The following ADGRV1 variants were observed in gnomAD, a reference collection of about 807,000 sequenced individuals.
The protein encoded by ADGRV1 is adhesion G protein-coupled receptor V1, also known as G-protein coupled receptor 98.
A neutral mutation model predicts 596.2 loss-of-function variants in ADGRV1; 359 were observed. The observed-to-expected ratio is 0.60, with a 90% CI of 0.55 to 0.66. The LOEUF (loss-of-function observed/expected upper bound fraction) is 0.66, where lower values mean the gene tolerates loss of function less well. Among genes scored for constraint, ADGRV1 ranks in the 30% least tolerant of loss-of-function variants. The probability of loss-of-function intolerance (pLI) is 0.00; values close to 1 mark genes in which losing one functional copy is unlikely to be tolerated. For synonymous variants in ADGRV1, 2,681 were observed against 2,679.2 expected, an observed-to-expected ratio of 1.00 and a Z score of -0.02; for missense variants, 7,274 against 7,575.6, an observed-to-expected ratio of 0.96 and a Z score of 1.48.
chr5:90,698,417 C>T (rs1047007122), intron 34 of ADGRV1, among the ~76,000 whole-genome samples: 3 of 152,110 alleles, frequency 2.0e-5, no homozygotes, highest in Non-Finnish European at 4.4e-5. Context: ...AACAATTATT[C>T]AGTGGTAGTG....
At chr5:90,855,609 C>A in intron 81 of ADGRV1, 132 bp from the exon 82 acceptor site, 1 of 611,084 alleles carries the variant, frequency 1.6e-6, no homozygotes, top group Non-Finnish European at 2.9e-6. Flanking sequence ...ACTGTTTCTT[C>A]TTGAAAATGT....
intron 50 of ADGRV1, among the ~76,000 whole-genome samples, chr5:90,733,853 C>T (rs927760839): frequency 2.0e-5 from 3 of 151,902 alleles, no homozygotes; most frequent in Admixed American, 6.6e-5. Flanking sequence ...TTATAGTCAC[C>T]CTGGTGTGCA....
intron 59 of ADGRV1, 130 bp from the exon 60 acceptor site, chr5:90,774,056 C>T (rs1293787319): frequency 9.6e-6 from 4 of 418,642 alleles, no homozygotes; most frequent in African/African-American, 4.1e-5. Context: ...AGCTGCAACT[C>T]GTAATTCTAG....
chr5:90,780,476 G>A (rs1477702494), intron 64 of ADGRV1, among the ~76,000 whole-genome samples: 2 of 152,000 alleles, frequency 1.3e-5, no homozygotes, highest in African/African-American at 2.4e-5. Flanking sequence ...ATGGTTTATC[G>A]GCATTTTTTA....
At chr5:90,672,820 G>T (rs186834527) in intron 22 of ADGRV1, 98 bp downstream of exon 22, 85 of 855,224 alleles carry the variant, frequency 9.9e-5, no homozygotes, top group Admixed American at 4.9e-4. Flanking sequence ...TTGAAGTGTC[G>T]CTTCCCATTA....
chr5:91,101,450 T>C (rs537384563), intron 86 of ADGRV1, among the ~76,000 whole-genome samples: 2 of 152,318 alleles, frequency 1.3e-5, no homozygotes, highest in Admixed American at 1.3e-4. Context: ...ATGTGTTTAT[T>C]TGTGGCTGCA....
At chr5:90,763,245 GT>G in intron 58 of ADGRV1, 59 bp from the exon 59 acceptor site, 3 of 1,245,732 alleles carry the variant, frequency 2.4e-6, no homozygotes, top group Non-Finnish European at 3.2e-6. Flanking sequence ...GATTCTACTT[GT>G]TTATCCTGCT....
At chr5:90,724,523 C>T (rs545596180) in intron 45 of ADGRV1, among the ~76,000 whole-genome samples, 1 of 152,262 alleles carries the variant, frequency 6.6e-6, no homozygotes, top group East Asian at 1.9e-4. Context: ...GCCACCATGC[C>T]CAGCCACATT....
chr5:90,595,616 A>C (rs1580387019), intron 1 of ADGRV1, among the ~76,000 whole-genome samples: 2 of 97,096 alleles, frequency 2.1e-5, no homozygotes, highest in Non-Finnish European at 4.0e-5. Context: ...CGGGGGGCTG[A>C]CCCCCCCACC....
At chr5:90,798,000 A>G (rs1465694699) in intron 70 of ADGRV1, among the ~76,000 whole-genome samples, 6 of 152,208 alleles carry the variant, frequency 3.9e-5, no homozygotes, top group Admixed American at 3.9e-4. Context: ...TCGACACCCT[A>G]ACATCAAAAT....
At chr5:90,651,968 A>G (rs996936572) in intron 18 of ADGRV1, among the ~76,000 whole-genome samples, 8 of 150,456 alleles carry the variant, frequency 5.3e-5, no homozygotes, top group African/African-American at 1.5e-4. Context: ...TCAAACTTCA[A>G]TCCTTTGTGA....
intron 84 of ADGRV1, among the ~76,000 whole-genome samples, chr5:90,975,777 C>A (rs1326893882): frequency 6.6e-6 from 1 of 151,922 alleles, no homozygotes; most frequent in Non-Finnish European, 1.5e-5. Flanking sequence ...GGGTGCAGCA[C>A]ACCAAGATGG....
At chr5:90,933,714 T>C (rs1020500738) in intron 83 of ADGRV1, among the ~76,000 whole-genome samples, 1 of 152,206 alleles carries the variant, frequency 6.6e-6, no homozygotes, top group African/African-American at 2.4e-5. Context: ...CGGGAAGTTC[T>C]CTGCCCTCCA....
At chr5:90,625,051 C>G in intron 5 of ADGRV1, 79 bp from the exon 6 acceptor site, 1 of 796,576 alleles carries the variant, frequency 1.3e-6, no homozygotes, top group South Asian at 1.7e-5. Flanking sequence ...AGATTTTTGT[C>G]AGCTGACATC....
intron 83 of ADGRV1, among the ~76,000 whole-genome samples, chr5:90,884,408 G>A (rs188811313): frequency 8.5e-5 from 13 of 152,146 alleles, no homozygotes; most frequent in African/African-American, 1.9e-4. Context: ...TTACAGAACC[G>A]TTACCTCCTT....
chr5:90,635,152 C>A lies in ADGRV1; in HGVS notation c.1878C>A (p.Ile626=). The A allele has an allele frequency of 6.2e-7, 1 of 1,607,658 alleles. No individual in the cohort carries two copies. Among genetic ancestry groups the A allele is most frequent in the Non-Finnish European group, 8.5e-7 (1 of 1,174,412 alleles). Residue 626 remains isoleucine, a synonymous_variant, in exon 10 of 90, where the codon ATC becomes ATA. Transcript: ENST00000405460. ...AGTTGTTAAACATAATTCCTCTAAT[C>A]CCACCCATAAGCCCTAGATTTGGGG... ...TVELLNIIPL[I]PPISPRFGEI... is the part of the protein sequence containing the mutation.
intron 1 of ADGRV1, among the ~76,000 whole-genome samples, chr5:90,576,304 C>T (rs1438809506): frequency 4.0e-5 from 6 of 151,612 alleles, no homozygotes; most frequent in Admixed American, 6.6e-5. Context: ...TGATGTTCCC[C>T]GCTGTGTGTC....
Position 90,728,817 on chromosome 5 carries a change from G to A in ADGRV1, c.10310G>A (p.Trp3437Ter), listed in dbSNP as rs761353617. 5 of 1,613,814 alleles carry A rather than the reference G, an allele frequency of 3.1e-6. No homozygotes were observed. The Admixed American group carries it at 8.3e-5, about 27-fold the overall frequency. The change falls in exon 49 of 90, where the codon TGG (tryptophan) becomes TAG (stop). Residue 3437 changes from tryptophan (W) to a stop codon, truncating the protein, a stop_gained. Coordinates refer to ENST00000405460, the MANE Select transcript of ADGRV1 (RefSeq NM_032119.4). LOFTEE classifies it high-confidence loss of function. ...NARLNSLLFR[W>*]SGSGFINFQE... ...AGGCTAAACTCCCTTTTATTCAGAT[G>A]GTCTGGCAGTGGGTTTATTAACTTT...
At chr5:91,104,544 G>A (rs1483772854) in intron 87 of ADGRV1, among the ~76,000 whole-genome samples, 2 of 152,112 alleles carry the variant, frequency 1.3e-5, no homozygotes, top group African/African-American at 2.4e-5. Flanking sequence ...CTATCTAGCT[G>A]TAATTTTATA....
Sources: gnomAD v4.1 joint callset for allele counts (sites outside exome capture counted in the v4.1 genomes callset) on GRCh38, gnomAD v4.1.1 for gene constraint, MANE v1.5 for transcripts, NCBI Gene and HGNC (gene_info 2026-07-23, HGNC 2026-07-21) for gene names.